VPS13B: variants seen among roughly 807,000 people sequenced by gnomAD.
The protein encoded by VPS13B is vacuolar protein sorting 13 homolog B.
Under a neutral mutation model 426.4 loss-of-function variants are expected in VPS13B, and 285 were observed. The ratio of observed to expected loss-of-function variants is 0.67; its 90% CI spans 0.61 to 0.74. The LOEUF (loss-of-function observed/expected upper bound fraction) is 0.74. Ranked by LOEUF, VPS13B falls within the 30% of genes least tolerant of loss-of-function variation. VPS13B has a pLI of 0.00. For synonymous variants in VPS13B, 1,676 were observed against 1,676.4 expected, an observed-to-expected ratio of 1.00 and a Z score of 0.01; for missense variants, 4,537 against 4,782.6, an observed-to-expected ratio of 0.95 and a Z score of 1.51.
At chr8:99,518,126 A>G (rs1301487665) in intron 29 of VPS13B, among the ~76,000 whole-genome samples, 2 of 152,022 alleles carry the variant, frequency 1.3e-5, no homozygotes, top group African/African-American at 4.8e-5. Context: ...TGTATGTAAC[A>G]CCAAGTACGT....
At chr8:99,656,527 G>A (rs1165066234) in intron 34 of VPS13B, among the ~76,000 whole-genome samples, 1 of 152,154 alleles carries the variant, frequency 6.6e-6, no homozygotes, top group Non-Finnish European at 1.5e-5. Context: ...TCCCCAGTGT[G>A]TTGACCCTGA....
At chr8:99,088,724 T>C (rs1845978892) in intron 3 of VPS13B, among the ~76,000 whole-genome samples, 1 of 152,218 alleles carries the variant, frequency 6.6e-6, no homozygotes, top group Non-Finnish European at 1.5e-5. Context: ...CATTCATAAG[T>C]TTAATTGGCT....
intron 34 of VPS13B, among the ~76,000 whole-genome samples, chr8:99,643,883 G>A (rs1055285158): frequency 3.3e-5 from 5 of 152,208 alleles, no homozygotes; most frequent in Admixed American, 2.0e-4. Flanking sequence ...TGTGGGAGAT[G>A]CTGGTATAGT....
chr8:99,766,038 CTACTTATTT>C, intron 39 of VPS13B, among the ~76,000 whole-genome samples: 1 of 140,880 alleles, frequency 7.1e-6, no homozygotes, highest in Admixed American at 7.0e-5. Context: ...CGTCTTTCTC[CTACTTATTT>C]GGTGTGGCAC....
At chr8:99,433,782 C>G (rs1315347483) in intron 22 of VPS13B, among the ~76,000 whole-genome samples, 2 of 151,954 alleles carry the variant, frequency 1.3e-5, no homozygotes, top group Non-Finnish European at 2.9e-5. Flanking sequence ...CTTCTTTCCT[C>G]TTCATTTTCC....
chr8:99,096,110 C>G (rs1846402261), intron 3 of VPS13B, among the ~76,000 whole-genome samples: 1 of 152,040 alleles, frequency 6.6e-6, no homozygotes, highest in African/African-American at 2.4e-5. Flanking sequence ...TAGTTTTAAA[C>G]TATGAGTTAT....
chr8:99,835,307 T>C lies in VPS13B; in HGVS notation c.9725T>C (p.Ile3242Thr). 1 of 1,611,672 alleles carries C rather than the reference T, an allele frequency of 6.2e-7. No homozygotes were observed. Among genetic ancestry groups the C allele is most frequent in the Non-Finnish European group, 8.5e-7 (1 of 1,177,842 alleles). The change falls in exon 53 of 62, where the codon ATA becomes ACA. Residue 3242 changes from isoleucine (I) to threonine (T), a missense_variant. Ile to Thr is a moderately conservative substitution (Grantham distance 89). Coordinates refer to ENST00000357162, the MANE Select transcript of VPS13B (RefSeq NM_152564.5). ...AATAGATGTCCAGTAAAAATGCTTA[T>C]AAAGGAAAACATTAAAGGTATGTTT... ...IHNRCPVKMLIKENIKDIPKF... is the reference protein window; with the variant it reads ...IHNRCPVKMLTKENIKDIPKF...
At chr8:99,050,958 A>T (rs1461064464) in intron 3 of VPS13B, among the ~76,000 whole-genome samples, 2 of 151,816 alleles carry the variant, frequency 1.3e-5, no homozygotes, top group African/African-American at 2.4e-5. Flanking sequence ...AGATTGCAAA[A>T]TTTTTTTCCC....
intron 30 of VPS13B, among the ~76,000 whole-genome samples, chr8:99,553,170 T>A (rs1367471995): frequency 6.6e-6 from 1 of 152,166 alleles, no homozygotes; most frequent in Non-Finnish European, 1.5e-5. Context: ...AAAAGCCAGC[T>A]TTGGCAGGTG....
intron 39 of VPS13B, among the ~76,000 whole-genome samples, chr8:99,761,041 T>A (rs1012291213): frequency 6.6e-6 from 1 of 152,206 alleles, no homozygotes; most frequent in Non-Finnish European, 1.5e-5. Flanking sequence ...GATGATTATA[T>A]ATTCTTATAA....
At chr8:99,090,572 T>G (rs1233069288) in intron 3 of VPS13B, among the ~76,000 whole-genome samples, 1 of 152,210 alleles carries the variant, frequency 6.6e-6, no homozygotes, top group East Asian at 1.9e-4. Context: ...CCTGATTAAC[T>G]CTTAAATTAC....
At chr8:99,105,333 T>C (rs187865140) in intron 5 of VPS13B, among the ~76,000 whole-genome samples, 70 of 152,278 alleles carry the variant, frequency 4.6e-4, no homozygotes, top group South Asian at 8.3e-4. Flanking sequence ...CAATGTAGGA[T>C]TGTATTAATG....
chr8:99,741,997 A>G (rs1484728917), intron 39 of VPS13B, among the ~76,000 whole-genome samples: 2 of 152,244 alleles, frequency 1.3e-5, no homozygotes, highest in East Asian at 3.8e-4. Context: ...AAGGAAATAG[A>G]GACACAAAAA....
At chr8:99,442,983 A>T (rs896390413) in intron 23 of VPS13B, among the ~76,000 whole-genome samples, 14 of 152,152 alleles carry the variant, frequency 9.2e-5, no homozygotes, top group Non-Finnish European at 1.9e-4. Context: ...TACTTGATTT[A>T]TGAATGAATG....
rs111382644 is a variant in VPS13B, at chr8:99,546,442, C to T, written c.4746-10008C>T. Among the ~76,000 whole-genome samples the T allele has an allele frequency of 6.7e-4, 102 of 151,956 alleles. 2 individuals carry two copies. In the South Asian group the frequency reaches 8.5e-3, roughly 13 times the overall value. The stretch of plus-strand genomic sequence containing the variant: ...AGTTCTCATATTGTTAGGTACAGAA[C>T]GTAGGCGACAAGAGGGGACTGAATT... On this transcript the variant is annotated intron_variant, in intron 30 of 61. Transcript: ENST00000357162.
At chr8:99,626,882 A>G (rs58152103) in intron 33 of VPS13B, among the ~76,000 whole-genome samples, 20,955 of 152,236 alleles carry the variant, frequency 0.14, 1,999 homozygotes, top group East Asian at 0.39. Flanking sequence ...GTGTTTATCA[A>G]CAGATGAATG....
chr8:99,607,088 T>TA (rs1178882828), intron 33 of VPS13B, among the ~76,000 whole-genome samples: 5 of 152,120 alleles, frequency 3.3e-5, no homozygotes, highest in African/African-American at 1.2e-4. Context: ...CTTCAATTTG[T>TA]AAAAAACACA....
chr8:99,530,289 C>A (rs956937636), intron 30 of VPS13B, among the ~76,000 whole-genome samples: 3 of 152,028 alleles, frequency 2.0e-5, no homozygotes, highest in Admixed American at 6.6e-5. Context: ...GCTGACCTAC[C>A]TTTATGCAAT....
intron 17 of VPS13B, among the ~76,000 whole-genome samples, chr8:99,197,601 C>T (rs540250060): frequency 2.4e-4 from 37 of 152,178 alleles, no homozygotes; most frequent in African/African-American, 7.5e-4. Flanking sequence ...TCACAGTAGT[C>T]GATTCTGATG....
Sources: allele counts gnomAD v4.1 joint callset (sites outside exome capture counted in the v4.1 genomes callset), GRCh38; gene constraint gnomAD v4.1.1; transcripts MANE v1.5; gene names NCBI Gene and HGNC (gene_info 2026-07-23, HGNC 2026-07-21).